ZKSCAN7: variants seen among roughly 807,000 people sequenced by gnomAD.
The protein encoded by ZKSCAN7 is zinc finger protein with KRAB and SCAN domains 7.
A neutral mutation model predicts 65.3 loss-of-function variants in ZKSCAN7; 38 were observed. That is an observed-to-expected ratio of 0.58 (90% CI 0.45 to 0.76). ZKSCAN7 has a LOEUF of 0.76. Among genes scored for constraint, ZKSCAN7 ranks in the 30% least tolerant of loss-of-function variants. The probability of loss-of-function intolerance (pLI) is 0.00; values close to 1 mark genes in which losing one functional copy is unlikely to be tolerated. For synonymous variants in ZKSCAN7, 321 were observed against 321.0 expected (o/e 1.00, Z 0.00); for missense variants, 815 against 913.3 (o/e 0.89, Z 1.39).
chr3:44,578,583 G>A (rs963639647), intron 5 of ZKSCAN7, among the ~76,000 whole-genome samples: 8 of 152,150 alleles, frequency 5.3e-5, no homozygotes, highest in South Asian at 4.1e-4. Flanking sequence ...TCCAGTTCCC[G>A]CTGCACCGAC....
At position 44,571,272 on chromosome 3, in the gene ZKSCAN7, G is replaced by T; in HGVS notation, c.2162G>T (p.Cys721Phe). 2 of 1,614,226 alleles carry T rather than the reference G, an allele frequency of 1.2e-6. No homozygotes were observed. Among genetic ancestry groups the T allele is most frequent in the Non-Finnish European group, 1.7e-6 (2 of 1,180,038 alleles). ...CACACCGGAGAGAAACCTTATGAAT[G>T]TAGTGAATGTGGGAAAGCCTTTAGT... The part of the protein sequence containing the change: ...RVHTGEKPYE[C>F]SECGKAFSQR... The change falls in exon 6 of 6, where the codon TGT becomes TTT. Residue 721 changes from cysteine (C) to phenylalanine (F), a missense_variant. Cys to Phe is a radical substitution (Grantham distance 205). This residue lies in a region of ZKSCAN7 where 578 missense variants were observed against 629.5 expected (regional missense o/e 0.92). Transcript: ENST00000426540.
At chr3:44,562,878 G>A (rs1044414931) in intron 2 of ZKSCAN7, among the ~76,000 whole-genome samples, 1 of 152,042 alleles carries the variant, frequency 6.6e-6, no homozygotes, top group Non-Finnish European at 1.5e-5. Context: ...GCTGAGGCAG[G>A]AGAATGGCAT....
Position 44,571,084 on chromosome 3 carries a change from T to C in ZKSCAN7, c.1974T>C (p.Thr658=), listed in dbSNP as rs1199254179. The stretch of plus-strand genomic sequence containing the variant: ...TTATTATACACCAGAGAATTCACAC[T>C]GGTGAGAAACCCTATGAATGTAATG... ...SHLIIHQRIH[T]GEKPYECNEC... The change falls in exon 6 of 6, where the codon ACT becomes ACC. Residue 658 remains threonine (T), a synonymous_variant. Transcript: ENST00000426540. 6.2e-7 allele frequency: 1 copy of C among 1,614,204 alleles called. No homozygotes were observed.
intron 3 of ZKSCAN7, among the ~76,000 whole-genome samples, chr3:44,566,487 A>G (rs950037362): frequency 1.3e-5 from 2 of 152,216 alleles, no homozygotes; most frequent in African/African-American, 4.8e-5. Context: ...AAATTGAAAA[A>G]TATTATCATG....
chr3:44,580,579 G>A (rs913148600), intron 5 of ZKSCAN7: 22 of 1,613,724 alleles, frequency 1.4e-5, no homozygotes, highest in Middle Eastern at 1.6e-4. Context: ...TTGTTGGTCC[G>A]GGGATAGACC....
intron 2 of ZKSCAN7, among the ~76,000 whole-genome samples, chr3:44,560,418 T>G (rs933912112): frequency 6.6e-6 from 1 of 151,994 alleles, no homozygotes; most frequent in African/African-American, 2.4e-5. Context: ...TGTACATGTG[T>G]GCACATTGTG....
intron 2 of ZKSCAN7, among the ~76,000 whole-genome samples, chr3:44,560,315 G>T (rs1266267199): frequency 2.7e-5 from 4 of 149,678 alleles, no homozygotes; most frequent in Non-Finnish European, 6.0e-5. Context: ...CTTTTCCATG[G>T]AAGTTTGCCA....
intron 5 of ZKSCAN7, chr3:44,582,890 T>G: frequency 2.4e-6 from 1 of 413,734 alleles, no homozygotes; most frequent in Non-Finnish European, 4.8e-6. Context: ...ACAGCTCCCT[T>G]AATGTACATG....
intron 2 of ZKSCAN7, among the ~76,000 whole-genome samples, chr3:44,560,892 G>A (rs1699458360): frequency 6.6e-6 from 1 of 152,174 alleles, no homozygotes; most frequent in Non-Finnish European, 1.5e-5. Context: ...CAAGTGAAGT[G>A]AGCACATGTA....
At chr3:44,573,383 TGTG>T (rs949831632), downstream of ZKSCAN7, among the ~76,000 whole-genome samples, 2 of 151,834 alleles carry the variant, frequency 1.3e-5, no homozygotes, top group Non-Finnish European at 2.9e-5. Flanking sequence ...TTTTTTGAGG[TGTG>T]GTGTATGTTT....
At chr3:44,556,229 T>C (rs571570885) in intron 1 of ZKSCAN7, among the ~76,000 whole-genome samples, 23 of 152,286 alleles carry the variant, frequency 1.5e-4, no homozygotes, top group African/African-American at 5.3e-4. Context: ...TGGTGAGTTG[T>C]GCATAAACCA....
rs1159053646 is a variant in ZKSCAN7, at chr3:44,568,529, C to G, written c.811+96C>G. On this transcript the variant is annotated intron_variant, in intron 5 of 5. Transcript: ENST00000426540. Reference sequence around the variant, plus strand: ...TTTAAACTTTTTACCATGAAAATTTCCAAACATAGTTAAACTAGAGTGAAT... The same window carrying G: ...TTTAAACTTTTTACCATGAAAATTTGCAAACATAGTTAAACTAGAGTGAAT... 6 of 1,524,022 alleles carry G rather than the reference C, an allele frequency of 3.9e-6. No homozygotes were observed. In the Admixed American group the frequency reaches 1.3e-4, roughly 33 times the overall value. 94.4% of individuals were successfully genotyped at this position (1,524,022 alleles called of 1,614,324 possible).
rs140274039 is a variant in ZKSCAN7, at chr3:44,562,219, C to A, written c.424-3268C>A. ...ACATGTGAAAGCTGCCAGCTTGGGGCTTGCACCCTCTGAGGACACAGCCTG... is the reference window on the plus strand; with the variant it reads ...ACATGTGAAAGCTGCCAGCTTGGGGATTGCACCCTCTGAGGACACAGCCTG... On this transcript the variant is annotated intron_variant, in intron 2 of 5. Coordinates refer to ENST00000426540, the MANE Select transcript of ZKSCAN7 (RefSeq NM_001288590.2). 3.7e-4 allele frequency among the ~76,000 whole-genome samples: 56 copies of A among 152,362 alleles called. 1 individual carries two copies. Among genetic ancestry groups the A allele is most frequent in the African/African-American group, 1.3e-3 (56 of 41,584 alleles).
chr3:44,579,884 G>A, intron 5 of ZKSCAN7: 1 of 1,609,528 alleles, frequency 6.2e-7, no homozygotes. Context: ...CAGCAGGTCG[G>A]GCGTCACGGA....
chr3:44,578,429 A>C, intron 5 of ZKSCAN7: 3 of 1,614,138 alleles, frequency 1.9e-6, no homozygotes, highest in Non-Finnish European at 2.5e-6. Flanking sequence ...CTCTGCAGCC[A>C]GGCGGTTGTT....
chr3:44,572,252 T>C (rs1264900717), downstream of ZKSCAN7: 14 of 982,678 alleles, frequency 1.4e-5, no homozygotes, highest in East Asian at 2.3e-4. Context: ...CATCTCATCA[T>C]AGAATATCAC....
At chr3:44,569,802 G>A in intron 5 of ZKSCAN7, 120 bp from the exon 6 acceptor site, 2 of 1,400,490 alleles carry the variant, frequency 1.4e-6, no homozygotes, top group Non-Finnish European at 1.9e-6. Flanking sequence ...TGTTCTCAAT[G>A]TGTCATCTCA....
intron 5 of ZKSCAN7, among the ~76,000 whole-genome samples, chr3:44,582,276 A>G (rs1285226148): frequency 6.6e-6 from 1 of 152,228 alleles, no homozygotes; most frequent in Non-Finnish European, 1.5e-5. Flanking sequence ...GTAGGGTGAG[A>G]TGCAGACTCC....
chr3:44,577,551 GC>G, intron 5 of ZKSCAN7, among the ~76,000 whole-genome samples: 1 of 152,234 alleles, frequency 6.6e-6, no homozygotes, highest in East Asian at 1.9e-4. Context: ...CTTGAGGCGT[GC>G]TGGCTGGGCC....
Sources: gnomAD v4.1 joint callset for allele counts (sites outside exome capture counted in the v4.1 genomes callset) on GRCh38, gnomAD v4.1.1 for gene constraint, gnomAD v4.1.1 regional missense constraint, MANE v1.5 for transcripts, NCBI Gene and HGNC (gene_info 2026-07-23, HGNC 2026-07-21) for gene names.